Variants in CREB3L3 observed in about 807,000 individuals in gnomAD.
CREB3L3 encodes cyclic AMP-responsive element-binding protein 3-like protein 3.
In CREB3L3, 40 loss-of-function variants were observed where a neutral mutation model predicts 44.6. That is an observed-to-expected ratio of 0.90 (90% CI 0.70 to 1.17). CREB3L3 has a LOEUF of 1.17. CREB3L3 is among the 50% of genes most tolerant of loss of function. CREB3L3 has a pLI of 0.00. For synonymous variants in CREB3L3, 273 were observed against 256.3 expected (o/e 1.06, Z -0.62); for missense variants, 578 against 595.8 (o/e 0.97, Z 0.31).
At chr19:4,167,379 G>A (rs1289572771) in intron 5 of CREB3L3, among the ~76,000 whole-genome samples, 5 of 121,134 alleles carry the variant, frequency 4.1e-5, no homozygotes, top group East Asian at 2.5e-4. Context: ...AGAGAGAAAA[G>A]GAAGGAAAGA....
At chr19:4,161,073 GGCT>G (rs1410794674) in intron 4 of CREB3L3, among the ~76,000 whole-genome samples, 2 of 152,080 alleles carry the variant, frequency 1.3e-5, no homozygotes, top group Non-Finnish European at 2.9e-5. Flanking sequence ...CACCACACCT[GGCT>G]GATTTTTTGT....
chr19:4,170,910 AAAATAAAT>A (rs1162606854), intron 7 of CREB3L3, among the ~76,000 whole-genome samples, 173 bp from the exon 8 acceptor site: 1 of 140,094 alleles, frequency 7.1e-6, no homozygotes, highest in African/African-American at 2.8e-5. Context: ...ACTCTGTCTC[AAAATAAAT>A]AAATAAATAA....
chr19:4,155,096 G>C, intron 2 of CREB3L3, 69 bp downstream of exon 2: 4 of 1,585,676 alleles, frequency 2.5e-6, no homozygotes, highest in Non-Finnish European at 3.4e-6. Context: ...CCCCACGAAG[G>C]TGCTAGACCC....
At chr19:4,162,430 G>A (rs960641277) in intron 4 of CREB3L3, among the ~76,000 whole-genome samples, 4 of 138,026 alleles carry the variant, frequency 2.9e-5, no homozygotes, top group African/African-American at 5.4e-5. Flanking sequence ...ACAGAACAAC[G>A]ATACAAAAAA....
At position 4,153,714 on chromosome 19, in the gene CREB3L3, C is replaced by T; in HGVS notation, c.-34C>T. 1.2e-6 allele frequency: 2 copies of T among 1,613,830 alleles called. No individual in the cohort carries two copies. Among genetic ancestry groups the T allele is most frequent in the South Asian group, 2.2e-5 (2 of 91,034 alleles). ...GGCCTCCAGCTTGGAGCAGAGACCCCCCGAGGCATCTGCAGACAGAACTGG... is the reference window on the plus strand; with the variant it reads ...GGCCTCCAGCTTGGAGCAGAGACCCTCCGAGGCATCTGCAGACAGAACTGG... On this transcript the variant is annotated 5_prime_UTR_variant, in exon 1 of 10. Coordinates refer to ENST00000078445, the MANE Select transcript of CREB3L3 (RefSeq NM_032607.3).
rs2041596504 is a variant in CREB3L3 at position 4,157,242 on chromosome 19, C to G, written c.404C>G (p.Thr135Arg). The G allele has an allele frequency of 6.2e-7, 1 of 1,614,078 alleles. No individual in the cohort carries two copies. Among genetic ancestry groups the G allele is most frequent in the Non-Finnish European group, 8.5e-7 (1 of 1,180,040 alleles). The change falls in exon 3 of 10, where the codon ACA becomes AGA. Residue 135 changes from threonine to arginine, a missense_variant. Physicochemically the swap from Thr to Arg is moderately conservative, Grantham distance 71. Coordinates refer to ENST00000078445, the MANE Select transcript of CREB3L3 (RefSeq NM_032607.3). Reference protein sequence around the residue: ...SYHPGNSCSTTTPGPVIQVPE... With the variant: ...SYHPGNSCSTRTPGPVIQVPE... Reference sequence around the variant, plus strand: ...CATCCTGGCAACTCTTGCTCCACCACAACCCCAGGGCCAGTGATCCAAGTA... The same window carrying G: ...CATCCTGGCAACTCTTGCTCCACCAGAACCCCAGGGCCAGTGATCCAAGTA...
chr19:4,156,133 CTG>C (rs1230503673), intron 2 of CREB3L3, among the ~76,000 whole-genome samples: 15 of 127,984 alleles, frequency 1.2e-4, no homozygotes, highest in African/African-American at 4.5e-4. Context: ...CCCTCTCTCT[CTG>C]TCTCTCTCTC....
At position 4,171,589 on chromosome 19, in the gene CREB3L3, G is replaced by A. The variant is rs1599348065; in HGVS notation, c.1073-67G>A. 2 of 1,597,808 alleles carry A rather than the reference G, an allele frequency of 1.3e-6. No homozygotes were observed. The highest frequency in any genetic ancestry group is 1.7e-6 in the Non-Finnish European group (2 of 1,165,578). On this transcript the variant is annotated intron_variant, in intron 9 of 9. Coordinates refer to ENST00000078445, the MANE Select transcript of CREB3L3 (RefSeq NM_032607.3). This position sits in a 1 kb window ranked among gnomAD's most constrained non-coding sequence, Gnocchi z 4.9. ...GTGCCCTTGTTCCCTGAGGCTGGGG[G>A]CCAGGGAAGGGAGCATAGGACCCCA... is the stretch of plus-strand genomic sequence containing the variant.
intron 5 of CREB3L3, among the ~76,000 whole-genome samples, chr19:4,167,514 AAG>A (rs1359742249): frequency 2.8e-4 from 38 of 134,374 alleles, no homozygotes; most frequent in Non-Finnish European, 4.9e-4. Context: ...GAAAGAGAGA[AAG>A]AGAGAAAGGG....
At position 4,171,094 on chromosome 19, in the gene CREB3L3, C is replaced by T. The variant is rs772101796; in HGVS notation, c.894C>T (p.Ser298=). The T allele has an allele frequency of 1.9e-6, 3 of 1,613,702 alleles. No individual in the cohort carries two copies. Among genetic ancestry groups the T allele is most frequent in the Admixed American group, 1.7e-5 (1 of 60,018 alleles). Residue 298 remains serine, a synonymous_variant, in exon 8 of 10, where the codon TCC becomes TCT. Transcript: ENST00000078445. The surrounding 1 kb of genome is among the most constrained non-coding windows in gnomAD (Gnocchi z 4.9). ...GAGGCCTGCCTGTCTCTCTAAGGTC[C>T]CTCTTGGAGCAACTGAAGAAACTCC... ...KVLHLEKQNL[S]LLEQLKKLQA...
At position 4,159,998 on chromosome 19, in the gene CREB3L3, A is replaced by T. The variant is rs1599334704; in HGVS notation, c.576+216A>T. Among the ~76,000 whole-genome samples, 3 of 152,198 alleles carry T rather than the reference A, an allele frequency of 2.0e-5. No individual in the cohort carries two copies. In the South Asian group the frequency reaches 6.2e-4, roughly 32 times the overall value. On this transcript the variant is annotated intron_variant, in intron 4 of 9. Coordinates refer to ENST00000078445, the MANE Select transcript of CREB3L3 (RefSeq NM_032607.3). Reference sequence around the variant, plus strand: ...CTTAGTAGTAACAATAGCAACAACAACTAAAAGCTAAAACTGGCTGAGTGT... The same window carrying T: ...CTTAGTAGTAACAATAGCAACAACATCTAAAAGCTAAAACTGGCTGAGTGT...
chr19:4,170,664 C>A (rs1967023687), intron 7 of CREB3L3, among the ~76,000 whole-genome samples: 1 of 151,346 alleles, frequency 6.6e-6, no homozygotes, highest in Non-Finnish European at 1.5e-5. Context: ...AATCCCAGCA[C>A]TTTGGGAGGC....
intron 2 of CREB3L3, among the ~76,000 whole-genome samples, chr19:4,155,446 C>T (rs1043242562): frequency 5.7e-4 from 86 of 151,124 alleles, no homozygotes; most frequent in Non-Finnish European, 1.0e-3. Flanking sequence ...GCAACCTCTG[C>T]CTCCCGGGTT....
rs756186497 is a variant in CREB3L3 at position 4,164,613 on chromosome 19, C to T, written c.687C>T (p.Thr229=). 1.2e-5 allele frequency: 19 copies of T among 1,613,982 alleles called. No individual in the cohort carries two copies. Among genetic ancestry groups the T allele is most frequent in the Non-Finnish European group, 1.4e-5 (17 of 1,180,048 alleles). ...AGCTGCTGGCTAAAGAAGGCATCAC[C>T]CTGCCCACTCAGCTGCCCCTCACTA... ...EKKLLAKEGI[T]LPTQLPLTKY... is the part of the protein sequence containing the mutation. The change falls in exon 5 of 10, where the codon ACC becomes ACT. Residue 229 remains threonine (T), a synonymous_variant. Coordinates refer to ENST00000078445, the MANE Select transcript of CREB3L3 (RefSeq NM_032607.3).
intron 7 of CREB3L3, 58 bp downstream of exon 7, chr19:4,170,266 C>T: frequency 6.5e-7 from 1 of 1,528,730 alleles, no homozygotes; most frequent in Non-Finnish European, 9.1e-7. Flanking sequence ...AGTCCCTTTG[C>T]AGGAAGAGCA....
In CREB3L3 at chr19:4,154,971, G is replaced by T. The variant is rs1340925921; in HGVS notation, c.100G>T (p.Asp34Tyr). 6.2e-7 allele frequency: 1 copy of T among 1,613,050 alleles called. No homozygotes were observed. Among genetic ancestry groups the T allele is most frequent in the Non-Finnish European group, 8.5e-7 (1 of 1,180,038 alleles). The part of the protein sequence containing the change: ...ELLDLLFDRQ[D>Y]GILRHVELGE... ...CCTGGATCTCCTGTTTGACCGGCAG[G>T]ACGGCATCCTGAGACACGTGGAGCT... The change falls in exon 2 of 10, where the codon GAC (aspartate) becomes TAC (tyrosine). Residue 34 changes from aspartate (D) to tyrosine (Y), a missense_variant. Coordinates refer to ENST00000078445, the MANE Select transcript of CREB3L3 (RefSeq NM_032607.3).
chr19:4,170,726 G>C (rs915504579), intron 7 of CREB3L3, among the ~76,000 whole-genome samples: 1 of 151,550 alleles, frequency 6.6e-6, no homozygotes. Flanking sequence ...TGGCTAACAC[G>C]GTGAAACCCC....
At position 4,172,712 on chromosome 19, in the gene CREB3L3, C is replaced by A. The variant is rs1967085478; in HGVS notation, c.*743C>A. 1 of 235,304 alleles carries A rather than the reference C, an allele frequency of 4.2e-6. No individual in the cohort carries two copies. The highest frequency in any genetic ancestry group is 2.4e-5 in the African/African-American group (1 of 42,256). The allele number at this position is 235,304 out of a possible 1,614,324, so 14.6% of individuals were successfully genotyped here. Reference sequence around the variant, plus strand: ...ACAGACCCAGACAGACAGACAGACACAGCCTGAAACAGACCCAGACAGACA... The same window carrying A: ...ACAGACCCAGACAGACAGACAGACAAAGCCTGAAACAGACCCAGACAGACA... On this transcript the variant is annotated 3_prime_UTR_variant, in exon 10 of 10. Coordinates refer to ENST00000078445, the MANE Select transcript of CREB3L3 (RefSeq NM_032607.3).
chr19:4,154,230 C>T (rs998591215), intron 1 of CREB3L3, among the ~76,000 whole-genome samples: 6 of 151,882 alleles, frequency 4.0e-5, no homozygotes, highest in Non-Finnish European at 7.4e-5. Flanking sequence ...CACCACCACG[C>T]CCGGCTAATT....
Sources: allele counts gnomAD v4.1 joint callset (sites outside exome capture counted in the v4.1 genomes callset), GRCh38; gene constraint gnomAD v4.1.1; non-coding constraint Gnocchi (gnomAD v3.1); transcripts MANE v1.5; gene names NCBI Gene and HGNC (gene_info 2026-07-23, HGNC 2026-07-21).